The following LCLAT1 variants were observed in gnomAD, a reference collection of about 807,000 sequenced individuals.
LCLAT1 encodes the protein lysocardiolipin acyltransferase 1.
A neutral mutation model predicts 30.7 loss-of-function variants in LCLAT1; 11 were observed. The observed-to-expected ratio is 0.36, with a 90% CI of 0.23 to 0.59. The LOEUF (loss-of-function observed/expected upper bound fraction) is 0.59. Ranked by LOEUF, LCLAT1 falls within the 20% of genes least tolerant of loss-of-function variation. The pLI is 0.77. For missense variants in LCLAT1, 402 were observed against 458.6 expected (o/e 0.88, Z 1.13); for synonymous variants, 155 against 151.3 (o/e 1.02, Z -0.18).
At chr2:30,625,581 C>T (rs1668468264) in intron 5 of LCLAT1, among the ~76,000 whole-genome samples, 1 of 152,254 alleles carries the variant, frequency 6.6e-6, no homozygotes, top group South Asian at 2.1e-4. Context: ...TTGTAGTAAA[C>T]TCTGTTATAT....
intron 1 of LCLAT1, among the ~76,000 whole-genome samples, chr2:30,477,784 AT>A (rs564082948): frequency 8.5e-4 from 130 of 152,338 alleles, no homozygotes; most frequent in African/African-American, 3.1e-3. Context: ...GTCTAGAAAG[AT>A]TGAGCAGGGC....
chr2:30,586,828 A>G (rs960403503), intron 5 of LCLAT1, among the ~76,000 whole-genome samples: 2 of 152,254 alleles, frequency 1.3e-5, no homozygotes, highest in East Asian at 3.9e-4. Flanking sequence ...TTAGTCTTTA[A>G]AAAGGAAAAA....
At chr2:30,573,755 C>T (rs1356177751) in intron 5 of LCLAT1, among the ~76,000 whole-genome samples, 1 of 152,122 alleles carries the variant, frequency 6.6e-6, no homozygotes, top group Non-Finnish European at 1.5e-5. Flanking sequence ...ACGATAGTAT[C>T]ACTTGTTTAG....
At chr2:30,601,442 G>GTGAACATAATTATTA (rs1423623361) in intron 5 of LCLAT1, among the ~76,000 whole-genome samples, 2 of 152,116 alleles carry the variant, frequency 1.3e-5, no homozygotes, top group Non-Finnish European at 2.9e-5. Flanking sequence ...TGCTTTGTAA[G>GTGAACATAATTATTA]TGAACATAAT....
intron 5 of LCLAT1, among the ~76,000 whole-genome samples, chr2:30,596,167 T>C (rs1264096242): frequency 2.0e-5 from 3 of 152,134 alleles, no homozygotes; most frequent in Non-Finnish European, 2.9e-5. Context: ...AGTAGTGGGA[T>C]TGCTGGGTCA....
intron 1 of LCLAT1, among the ~76,000 whole-genome samples, chr2:30,485,468 T>C (rs531611940): frequency 3.3e-5 from 5 of 152,292 alleles, no homozygotes; most frequent in African/African-American, 9.6e-5. Context: ...AGTGATTTTT[T>C]TTATAGAACT....
chr2:30,562,196 G>C lies in LCLAT1; in HGVS notation c.415G>C (p.Asp139His), dbSNP rs1328300957. The change falls in exon 4 of 6, where the codon GAT (aspartate) becomes CAT (histidine). Residue 139 changes from aspartate (D) to histidine (H), a missense_variant. Transcript: ENST00000379509. ...AYIFIHRKWK[D>H]DKSHFEDMID... ...TATCTTCATTCATAGGAAATGGAAG[G>C]ATGACAAGAGCCATTTCGAAGACAT... The C allele has an allele frequency of 6.2e-7, 1 of 1,613,172 alleles. No homozygotes were observed. Among genetic ancestry groups the C allele is most frequent in the South Asian group, 1.1e-5 (1 of 90,966 alleles).
At chr2:30,555,962 G>A (rs1421137796) in intron 3 of LCLAT1, among the ~76,000 whole-genome samples, 3 of 151,084 alleles carry the variant, frequency 2.0e-5, no homozygotes, top group African/African-American at 4.9e-5. Flanking sequence ...CTCAGCCTCC[G>A]GAATAGCTGG....
At chr2:30,452,537 A>G (rs1681608568) in intron 1 of LCLAT1, among the ~76,000 whole-genome samples, 1 of 152,232 alleles carries the variant, frequency 6.6e-6, no homozygotes, top group African/African-American at 2.4e-5. Flanking sequence ...CTAAGAATTA[A>G]TGCACAGTTG....
chr2:30,504,116 A>G (rs1308876019), intron 1 of LCLAT1, among the ~76,000 whole-genome samples: 1 of 151,790 alleles, frequency 6.6e-6, no homozygotes, highest in Non-Finnish European at 1.5e-5. Flanking sequence ...ATGTGTGTGT[A>G]TATATAAACA....
At chr2:30,597,151 T>A (rs754619377) in intron 5 of LCLAT1, among the ~76,000 whole-genome samples, 9 of 147,974 alleles carry the variant, frequency 6.1e-5, no homozygotes, top group Non-Finnish European at 1.4e-4. Context: ...CATATGAATT[T>A]TAAAAGAGTT....
At chr2:30,615,982 GAGGGCA>G (rs1558558688) in intron 5 of LCLAT1, among the ~76,000 whole-genome samples, 1 of 152,180 alleles carries the variant, frequency 6.6e-6, no homozygotes, top group African/African-American at 2.4e-5. Context: ...GAAATGGGTA[GAGGGCA>G]CTAGACAGAG....
At chr2:30,581,108 A>G (rs1364383668) in intron 5 of LCLAT1, among the ~76,000 whole-genome samples, 1 of 152,126 alleles carries the variant, frequency 6.6e-6, no homozygotes, top group African/African-American at 2.4e-5. Context: ...TAAATGAGAA[A>G]AGGAAGCTGA....
At chr2:30,575,664 T>G (rs1485558084) in intron 5 of LCLAT1, among the ~76,000 whole-genome samples, 2 of 152,192 alleles carry the variant, frequency 1.3e-5, no homozygotes, top group African/African-American at 4.8e-5. Flanking sequence ...TTCTAGATTA[T>G]GTATACTACT....
At chr2:30,467,189 A>G (rs138847696) in intron 1 of LCLAT1, among the ~76,000 whole-genome samples, 19,196 of 151,638 alleles carry the variant, frequency 0.13, 1,338 homozygotes, top group South Asian at 0.23. Flanking sequence ...AATACGTGGT[A>G]TTTGGTTTTT....
chr2:30,558,987 T>C (rs1665069762), intron 3 of LCLAT1, among the ~76,000 whole-genome samples: 1 of 152,206 alleles, frequency 6.6e-6, no homozygotes, highest in African/African-American at 2.4e-5. Context: ...TCTACAGTGG[T>C]ATATTTATAT....
At chr2:30,462,538 C>T (rs12469849) in intron 1 of LCLAT1, among the ~76,000 whole-genome samples, 19,266 of 152,200 alleles carry the variant, frequency 0.13, 1,356 homozygotes, top group South Asian at 0.23. Context: ...AAAGGCAGTG[C>T]TGATGACAAT....
chr2:30,480,352 G>A lies in LCLAT1; in HGVS notation c.-5+32969G>A, dbSNP rs1169592667. 2.0e-5 allele frequency among the ~76,000 whole-genome samples: 3 copies of A among 151,908 alleles called. No individual in the cohort carries two copies. In the East Asian group the frequency reaches 5.8e-4, roughly 29 times the overall value. ...ACTACAGGTGTACACCACCATGCTCGGCTAATTTTTATATTTTTTCTTTGT... is the reference window on the plus strand; with the variant it reads ...ACTACAGGTGTACACCACCATGCTCAGCTAATTTTTATATTTTTTCTTTGT... On this transcript the variant is annotated intron_variant, in intron 1 of 5. Transcript: ENST00000379509.
intron 5 of LCLAT1, among the ~76,000 whole-genome samples, chr2:30,593,430 C>T (rs898157695): frequency 6.6e-6 from 1 of 152,044 alleles, no homozygotes; most frequent in Non-Finnish European, 1.5e-5. Context: ...TCTAGCAGTA[C>T]CATGTTGTTT....
Sources: gnomAD v4.1 joint callset for allele counts (sites outside exome capture counted in the v4.1 genomes callset) on GRCh38, gnomAD v4.1.1 for gene constraint, MANE v1.5 for transcripts, NCBI Gene and HGNC (gene_info 2026-07-23, HGNC 2026-07-21) for gene names.